The following SPOCK1 variants were observed in gnomAD, a reference collection of about 807,000 sequenced individuals.
SPOCK1 encodes testican-1.
Under a neutral mutation model 55.3 loss-of-function variants are expected in SPOCK1, and 23 were observed. That is an observed-to-expected ratio of 0.42 (90% confidence interval 0.30 to 0.59). The LOEUF (loss-of-function observed/expected upper bound fraction) is 0.59, where lower values mean the gene tolerates loss of function less well. Among genes scored for constraint, SPOCK1 ranks in the 20% least tolerant of loss-of-function variants. The pLI is 0.22. For synonymous variants in SPOCK1, 226 were observed against 221.0 expected, an observed-to-expected ratio of 1.02 and a Z score of -0.20; for missense variants, 499 against 552.5, an observed-to-expected ratio of 0.90 and a Z score of 0.97.
At chr5:137,389,253 C>G (rs567535824) in intron 2 of SPOCK1, among the ~76,000 whole-genome samples, 1 of 152,248 alleles carries the variant, frequency 6.6e-6, no homozygotes, top group African/African-American at 2.4e-5. Context: ...TCCAAGAACA[C>G]CTTGTCCTGG....
intron 2 of SPOCK1, among the ~76,000 whole-genome samples, chr5:137,358,889 T>C (rs899143393): frequency 6.9e-6 from 1 of 145,596 alleles, no homozygotes; most frequent in African/African-American, 2.6e-5. Flanking sequence ...AGACTCTAGG[T>C]ACCCTGAACT....
At chr5:137,100,110 G>A (rs1259892650) in intron 5 of SPOCK1, among the ~76,000 whole-genome samples, 3 of 152,142 alleles carry the variant, frequency 2.0e-5, no homozygotes, top group Non-Finnish European at 4.4e-5. Context: ...CAATGTGATG[G>A]AATCAGTGCT....
At chr5:137,263,410 C>T (rs367886487) in intron 3 of SPOCK1, among the ~76,000 whole-genome samples, 3 of 152,134 alleles carry the variant, frequency 2.0e-5, no homozygotes, top group African/African-American at 7.2e-5. Context: ...GTTTGTCAGG[C>T]GCCAGTTAAG....
At chr5:137,240,324 G>C (rs958454374) in intron 3 of SPOCK1, among the ~76,000 whole-genome samples, 24 of 152,198 alleles carry the variant, frequency 1.6e-4, no homozygotes, top group Admixed American at 8.5e-4. Context: ...CTGCTTCTGG[G>C]GAGGCTTCAG....
chr5:137,131,989 AATATATATATAT>A (rs869252723), intron 4 of SPOCK1, among the ~76,000 whole-genome samples: 1,215 of 36,006 alleles, frequency 0.034, 79 homozygotes, highest in Non-Finnish European at 0.039. Flanking sequence ...AAAAAAAAAA[AATATATATATAT>A]ATATATATAT....
At chr5:137,171,974 A>G (rs962023361) in intron 3 of SPOCK1, among the ~76,000 whole-genome samples, 2 of 152,214 alleles carry the variant, frequency 1.3e-5, no homozygotes, top group Non-Finnish European at 2.9e-5. Context: ...CACCATGAAC[A>G]ATTTGCCTCT....
chr5:137,126,980 G>C (rs1013278785), intron 4 of SPOCK1, among the ~76,000 whole-genome samples: 1 of 152,162 alleles, frequency 6.6e-6, no homozygotes, highest in Admixed American at 6.5e-5. Flanking sequence ...CATCAACAGG[G>C]AGGCAGAACT....
At chr5:137,356,824 T>TAG (rs1750818451) in intron 2 of SPOCK1, among the ~76,000 whole-genome samples, 4 of 19,764 alleles carry the variant, frequency 2.0e-4, no homozygotes, top group African/African-American at 4.5e-4. Context: ...TATATATATA[T>TAG]ATATATATAT....
chr5:137,318,395 T>C (rs1455378034), intron 2 of SPOCK1, among the ~76,000 whole-genome samples: 1 of 152,180 alleles, frequency 6.6e-6, no homozygotes, highest in East Asian at 1.9e-4. Flanking sequence ...ATGGCTCTAT[T>C]GTCTAGAATG....
intron 2 of SPOCK1, among the ~76,000 whole-genome samples, chr5:137,352,719 T>C (rs1750710673): frequency 6.6e-6 from 1 of 152,018 alleles, no homozygotes; most frequent in Non-Finnish European, 1.5e-5. Context: ...AAGTCAGAAA[T>C]AACCTGAAAA....
intron 2 of SPOCK1, among the ~76,000 whole-genome samples, chr5:137,344,851 C>T (rs764522031): frequency 2.0e-5 from 3 of 152,154 alleles, no homozygotes; most frequent in Non-Finnish European, 2.9e-5. Flanking sequence ...TTCCCCATTC[C>T]CCAAGGGATT....
In SPOCK1 at chr5:137,316,090, G is replaced by A. The variant is rs879756135; in HGVS notation, c.187-49035C>T. ...CTCATTTCTCACAGTTCTGGAAGCC[G>A]GGAAATCCAAGATTGAAGTGATAGC... On this transcript the variant is annotated intron_variant, in intron 2 of 10. Transcript: ENST00000394945. Among the ~76,000 whole-genome samples, 19 of 152,320 alleles carry A rather than the reference G, an allele frequency of 1.2e-4. 1 individual carries two copies. The East Asian group carries it at 1.9e-3, about 15-fold the overall frequency.
chr5:137,395,997 T>G (rs762548875), intron 2 of SPOCK1, among the ~76,000 whole-genome samples: 3 of 152,242 alleles, frequency 2.0e-5, no homozygotes, highest in Admixed American at 1.3e-4. Context: ...CTCTCCAACA[T>G]AAGTTACGTT....
At chr5:137,051,794 A>G (rs1481758754) in intron 6 of SPOCK1, among the ~76,000 whole-genome samples, 1 of 152,220 alleles carries the variant, frequency 6.6e-6, no homozygotes, top group Non-Finnish European at 1.5e-5. Context: ...GCACACATAC[A>G]CACCTTTAAC....
chr5:137,421,840 A>G (rs1752504720), intron 2 of SPOCK1, among the ~76,000 whole-genome samples: 3 of 152,166 alleles, frequency 2.0e-5, no homozygotes. Context: ...TCCTGTCGTT[A>G]TGATGTTAGC....
chr5:137,275,210 C>T (rs13154960), intron 2 of SPOCK1, among the ~76,000 whole-genome samples: 22,320 of 152,228 alleles, frequency 0.15, 1,775 homozygotes, highest in Admixed American at 0.2. Context: ...ATTATACTGG[C>T]CTGAGGCCCA....
intron 2 of SPOCK1, among the ~76,000 whole-genome samples, chr5:137,369,890 G>A (rs1751159929): frequency 6.6e-6 from 1 of 152,010 alleles, no homozygotes; most frequent in Non-Finnish European, 1.5e-5. Flanking sequence ...ACCTCCCAAA[G>A]GCCCCATCTC....
chr5:137,476,432 T>C (rs942069527), intron 2 of SPOCK1, among the ~76,000 whole-genome samples: 2 of 152,214 alleles, frequency 1.3e-5, no homozygotes, highest in Admixed American at 1.3e-4. Flanking sequence ...AAGTCAGCAT[T>C]GTGTTTTAGA....
intron 4 of SPOCK1, among the ~76,000 whole-genome samples, chr5:137,126,970 C>T (rs977176979): frequency 3.9e-5 from 6 of 152,094 alleles, no homozygotes. Context: ...TGAGATTGTT[C>T]ATCAACAGGG....
Sources: allele counts gnomAD v4.1 joint callset (sites outside exome capture counted in the v4.1 genomes callset), GRCh38; gene constraint gnomAD v4.1.1; transcripts MANE v1.5; gene names NCBI Gene and HGNC (gene_info 2026-07-23, HGNC 2026-07-21).